The following PBX3 variants were observed in gnomAD, a reference collection of about 807,000 sequenced individuals.
The protein encoded by PBX3 is pre-B-cell leukemia transcription factor 3.
Under a neutral mutation model 48.5 loss-of-function variants are expected in PBX3, and 14 were observed. That is an observed-to-expected ratio of 0.29 (90% CI 0.19 to 0.45). The LOEUF (loss-of-function observed/expected upper bound fraction) is 0.45. Ranked by LOEUF, PBX3 falls within the 20% of genes least tolerant of loss-of-function variation. PBX3 has a pLI of 1.00. For missense variants in PBX3, 386 were observed against 546.7 expected (o/e 0.71, Z 2.93); for synonymous variants, 210 against 200.3 (o/e 1.05, Z -0.41).
chr9:125,829,261 T>C (rs866723490), intron 2 of PBX3, among the ~76,000 whole-genome samples: 6 of 152,228 alleles, frequency 3.9e-5, no homozygotes, highest in African/African-American at 1.4e-4. Flanking sequence ...CACATGCTGC[T>C]TGTCAGTCTT....
At chr9:125,839,077 A>G (rs773731894) in intron 2 of PBX3, among the ~76,000 whole-genome samples, 1 of 152,170 alleles carries the variant, frequency 6.6e-6, no homozygotes, top group African/African-American at 2.4e-5. Flanking sequence ...ACTATTTCCC[A>G]GTTAGGTTGC....
chr9:125,812,205 AC>A (rs1838310357), intron 2 of PBX3, among the ~76,000 whole-genome samples: 1 of 152,146 alleles, frequency 6.6e-6, no homozygotes, highest in Non-Finnish European at 1.5e-5. Context: ...GCCTAAACAT[AC>A]CAAGACACCT....
At chr9:125,866,352 T>C (rs1225073912) in intron 2 of PBX3, among the ~76,000 whole-genome samples, 1 of 152,214 alleles carries the variant, frequency 6.6e-6, no homozygotes, top group Non-Finnish European at 1.5e-5. Flanking sequence ...TTTTATACTT[T>C]TATGGGGGGT....
intron 3 of PBX3, among the ~76,000 whole-genome samples, chr9:125,922,931 C>T (rs566443312): frequency 3.9e-5 from 6 of 152,238 alleles, no homozygotes; most frequent in South Asian, 2.1e-4. Context: ...AAATAGTTAA[C>T]GAATTTTACT....
intron 2 of PBX3, among the ~76,000 whole-genome samples, chr9:125,833,747 G>A (rs1398343344): frequency 6.6e-6 from 1 of 152,148 alleles, no homozygotes; most frequent in African/African-American, 2.4e-5. Context: ...AGTACTTGAA[G>A]CTAAAAAGTT....
At chr9:125,884,873 C>T (rs952157861) in intron 2 of PBX3, among the ~76,000 whole-genome samples, 3 of 152,052 alleles carry the variant, frequency 2.0e-5, no homozygotes, top group Admixed American at 6.5e-5. Context: ...TATTGTATAC[C>T]TAGATAAAAG....
chr9:125,747,642 G>C lies in PBX3; in HGVS notation c.189G>C (p.Glu63Asp). The C allele has an allele frequency of 6.3e-7, 1 of 1,591,548 alleles. No homozygotes were observed. Among genetic ancestry groups the C allele is most frequent in the Non-Finnish European group, 8.6e-7 (1 of 1,169,514 alleles). Reference sequence around the variant, plus strand: ...CCATCACCGACCAGAGCTTGGACGAGGCGCAAGCAAAGTTGGTGTCGTCTC... The same window carrying C: ...CCATCACCGACCAGAGCTTGGACGACGCGCAAGCAAAGTTGGTGTCGTCTC... ...IMTITDQSLD[E>D]AQAKKHALNC... The change falls in exon 1 of 9, where the codon GAG becomes GAC. Residue 63 changes from glutamate (E) to aspartate (D), a missense_variant. By Grantham distance (45) the Glu-to-Asp change is conservative. This residue lies in a region of PBX3 where 116 missense variants were observed against 98.2 expected (regional missense o/e 1.18). Transcript: ENST00000373489.
intron 2 of PBX3, chr9:125,749,472 G>C (rs1484207070): frequency 6.6e-6 from 1 of 151,672 alleles, no homozygotes; most frequent in African/African-American, 2.4e-5. Flanking sequence ...GGATGTTTTA[G>C]TTTGTATTTG....
At chr9:125,893,590 G>A (rs1312526742) in intron 2 of PBX3, among the ~76,000 whole-genome samples, 1 of 102,860 alleles carries the variant, frequency 9.7e-6, no homozygotes, top group Non-Finnish European at 2.5e-5. Flanking sequence ...AGAGCCCCAT[G>A]TGATTGTTTG....
chr9:125,962,518 A>T (rs1253116445), intron 7 of PBX3, among the ~76,000 whole-genome samples: 1 of 152,238 alleles, frequency 6.6e-6, no homozygotes, highest in African/African-American at 2.4e-5. Flanking sequence ...GCCAGTGTGT[A>T]TATGGTTTAA....
At position 125,867,719 on chromosome 9, in the gene PBX3, CAAT is replaced by C. The variant is rs376193291; in HGVS notation, c.275-47966_275-47964del. ...AATATTGCACCCAAATCAATTATGA[CAAT>C]GATGATTGTCTTTCTGTCTCTCTCT... On this transcript the variant is annotated intron_variant, in intron 2 of 8. Coordinates refer to ENST00000373489, the MANE Select transcript of PBX3 (RefSeq NM_006195.6). Among the ~76,000 whole-genome samples, 605 of 150,324 alleles carry C rather than the reference CAAT, an allele frequency of 4.0e-3. 9 individuals are homozygous for C. Among genetic ancestry groups the C allele is most frequent in the African/African-American group, 0.014 (565 of 40,790 alleles).
chr9:125,837,362 A>G (rs1434854219), intron 2 of PBX3, among the ~76,000 whole-genome samples: 1 of 150,436 alleles, frequency 6.6e-6, no homozygotes, highest in Non-Finnish European at 1.5e-5. Context: ...TATATATATT[A>G]CACAAATATG....
intron 2 of PBX3, among the ~76,000 whole-genome samples, chr9:125,790,410 G>A (rs944218546): frequency 2.0e-5 from 3 of 151,706 alleles, no homozygotes; most frequent in African/African-American, 7.3e-5. Context: ...GCACCACCAC[G>A]CCTGGCTAAT....
At chr9:125,758,967 G>C (rs1760937156) in intron 2 of PBX3, among the ~76,000 whole-genome samples, 1 of 152,292 alleles carries the variant, frequency 6.6e-6, no homozygotes, top group East Asian at 1.9e-4. Context: ...TATGAGGAAG[G>C]TGACACTGAG....
intron 2 of PBX3, among the ~76,000 whole-genome samples, chr9:125,773,855 G>A (rs995816236): frequency 2.0e-5 from 3 of 151,984 alleles, no homozygotes; most frequent in Admixed American, 2.0e-4. Context: ...TTCATATTTA[G>A]GTAAAATTTG....
intron 2 of PBX3, among the ~76,000 whole-genome samples, chr9:125,869,952 A>G (rs1437190990): frequency 1.3e-5 from 2 of 152,136 alleles, no homozygotes; most frequent in African/African-American, 4.8e-5. Context: ...AGTAATTTAT[A>G]AAGAAAAAGA....
chr9:125,818,638 C>T (rs780106615), intron 2 of PBX3, among the ~76,000 whole-genome samples: 1 of 150,156 alleles, frequency 6.7e-6, no homozygotes, highest in Non-Finnish European at 1.5e-5. Flanking sequence ...CATGAGCCAC[C>T]ACACCTGGCA....
chr9:125,792,040 A>G (rs1564657148), intron 2 of PBX3, among the ~76,000 whole-genome samples: 2 of 121,900 alleles, frequency 1.6e-5, no homozygotes, highest in African/African-American at 3.6e-5. Flanking sequence ...TACTACACAC[A>G]CACACGCACG....
chr9:125,748,600 T>C lies in PBX3; in HGVS notation c.251T>C (p.Leu84Pro). 1.9e-6 allele frequency: 3 copies of C among 1,613,704 alleles called. No homozygotes were observed. Among genetic ancestry groups the C allele is most frequent in the Non-Finnish European group, 2.5e-6 (3 of 1,179,874 alleles). ...ATGAAACCAGCGCTCTTCAGCGTCC[T>C]GTGTGAGATCAAAGAGAAAACAGGT... Reference protein sequence around the residue: ...HRMKPALFSVLCEIKEKTGLS... With the variant: ...HRMKPALFSVPCEIKEKTGLS... The change falls in exon 2 of 9, where the codon CTG becomes CCG. Residue 84 changes from leucine to proline, a missense_variant. Around this residue, in one of 4 missense-constraint regions of PBX3, gnomAD observed 69 missense variants for 99.1 expected, o/e 0.70. Transcript: ENST00000373489.
Sources: allele counts gnomAD v4.1 joint callset (sites outside exome capture counted in the v4.1 genomes callset), GRCh38; gene constraint gnomAD v4.1.1; regional missense constraint gnomAD v4.1.1; transcripts MANE v1.5; gene names NCBI Gene and HGNC (gene_info 2026-07-23, HGNC 2026-07-21).